Variants in EFEMP1 observed in about 807,000 individuals in gnomAD.
EFEMP1 encodes EGF-containing fibulin-like extracellular matrix protein 1.
EFEMP1 carries 18 observed loss-of-function variants against 65.7 expected under a neutral mutation model. The observed-to-expected ratio is 0.27, with a 90% CI of 0.19 to 0.41. The LOEUF (loss-of-function observed/expected upper bound fraction) is 0.41. Ranked by LOEUF, EFEMP1 falls within the 10% of genes least tolerant of loss-of-function variation. EFEMP1 has a pLI of 1.00. For missense variants in EFEMP1, 469 were observed against 624.8 expected (o/e 0.75, Z 2.66); for synonymous variants, 237 against 219.7 (o/e 1.08, Z -0.70).
chr2:55,923,299 G>A lies in EFEMP1; in HGVS notation c.-48-360C>T, dbSNP rs192835527. 3.0e-4 allele frequency among the ~76,000 whole-genome samples: 45 copies of A among 152,274 alleles called. No individual in the cohort carries two copies. Among genetic ancestry groups the A allele is most frequent in the African/African-American group, 6.7e-4 (28 of 41,562 alleles). On this transcript the variant is annotated intron_variant, in intron 1 of 11. Coordinates refer to ENST00000355426, the MANE Select transcript of EFEMP1 (RefSeq NM_001039348.3). This position sits in a 1 kb window ranked among gnomAD's most constrained non-coding sequence, Gnocchi z 5.3. ...CAGTTTCGGGCGGGCGGCCTGGCCC[G>A]GCAGGGAGATGAGGTCCCCTTTCTT...
At chr2:55,918,611 G>C (rs1476524327) in intron 3 of EFEMP1, among the ~76,000 whole-genome samples, 1 of 130,062 alleles carries the variant, frequency 7.7e-6, no homozygotes, top group Non-Finnish European at 1.6e-5. Flanking sequence ...CATTGGAAAT[G>C]TTAAAAAAAA....
intron 3 of EFEMP1, among the ~76,000 whole-genome samples, chr2:55,918,789 C>G (rs1226029313): frequency 1.3e-5 from 2 of 151,908 alleles, no homozygotes; most frequent in Non-Finnish European, 1.5e-5. Context: ...GGTGTTCCTC[C>G]TAGCAGTTCC....
In EFEMP1 at chr2:55,881,541, T is replaced by C. The variant is rs1669240093; in HGVS notation, c.640+71A>G. ...CTCCAAAGAAACATGAATGCTTTGATTGGAATGCTTGAGGTTGAAACAGTT... is the reference window on the plus strand; with the variant it reads ...CTCCAAAGAAACATGAATGCTTTGACTGGAATGCTTGAGGTTGAAACAGTT... On this transcript the variant is annotated intron_variant, in intron 6 of 11. Coordinates refer to ENST00000355426, the MANE Select transcript of EFEMP1 (RefSeq NM_001039348.3). 3 of 1,598,682 alleles carry C rather than the reference T, an allele frequency of 1.9e-6. No individual in the cohort carries two copies. The South Asian group carries it at 3.3e-5, about 18-fold the overall frequency.
rs984037164 is a variant in EFEMP1 at position 55,870,529 on chromosome 2, T to C, written c.1320+191A>G. 1.4e-4 allele frequency among the ~76,000 whole-genome samples: 21 copies of C among 152,088 alleles called. No homozygotes were observed. Among genetic ancestry groups the C allele is most frequent in the African/African-American group, 5.1e-4 (21 of 41,420 alleles). Reference sequence around the variant, plus strand: ...AAAAATGGAGATGAATATTAATATCTATCTGGCAGTGTTACCAAGAGGAAT... The same window carrying C: ...AAAAATGGAGATGAATATTAATATCCATCTGGCAGTGTTACCAAGAGGAAT... On this transcript the variant is annotated intron_variant, in intron 11 of 11. Coordinates refer to ENST00000355426, the MANE Select transcript of EFEMP1 (RefSeq NM_001039348.3). This position sits in a 1 kb window ranked among gnomAD's most constrained non-coding sequence, Gnocchi z 5.8.
chr2:55,906,825 T>C (rs1572837726), intron 5 of EFEMP1, among the ~76,000 whole-genome samples: 1 of 152,198 alleles, frequency 6.6e-6, no homozygotes, highest in East Asian at 1.9e-4. Flanking sequence ...CGATAGTTCA[T>C]CAAAAATGTC....
chr2:55,902,927 G>T (rs1384283668), intron 5 of EFEMP1, among the ~76,000 whole-genome samples: 1 of 152,196 alleles, frequency 6.6e-6, no homozygotes, highest in Non-Finnish European at 1.5e-5. Flanking sequence ...AAGGCTTACA[G>T]CCTAGACAAA....
At chr2:55,891,800 T>G (rs1323744285) in intron 5 of EFEMP1, among the ~76,000 whole-genome samples, 1 of 152,106 alleles carries the variant, frequency 6.6e-6, no homozygotes, top group African/African-American at 2.4e-5. Context: ...AGGCATAAGA[T>G]TATTCCGTGA....
chr2:55,919,342 T>TA lies in EFEMP1; in HGVS notation c.82-1076dup. On this transcript the variant is annotated intron_variant, in intron 3 of 11. Coordinates refer to ENST00000355426, the MANE Select transcript of EFEMP1 (RefSeq NM_001039348.3). This position sits in a 1 kb window ranked among gnomAD's most constrained non-coding sequence, Gnocchi z 4.5. ...TCTAAGGATCATTCAGGGTTCTTGTTAAAATGAAGATTCCTGGGCCCACCC... is the reference window on the plus strand; with the variant it reads ...TCTAAGGATCATTCAGGGTTCTTGTTAAAAATGAAGATTCCTGGGCCCACCC... Among the ~76,000 whole-genome samples, 1 of 152,276 alleles carries TA rather than the reference T, an allele frequency of 6.6e-6. No individual in the cohort carries two copies. The highest frequency in any genetic ancestry group is 1.5e-5 in the Non-Finnish European group (1 of 68,024).
At chr2:55,880,637 G>C (rs145202645) in intron 6 of EFEMP1, among the ~76,000 whole-genome samples, 172 of 152,292 alleles carry the variant, frequency 1.1e-3, no homozygotes, top group African/African-American at 3.9e-3. Context: ...CTGGTTGTCT[G>C]TCCCCACATC....
Position 55,870,585 on chromosome 2 carries a change from A to T in EFEMP1, c.1320+135T>A, listed in dbSNP as rs893380597. 8 of 1,028,554 alleles carry T rather than the reference A, an allele frequency of 7.8e-6. No individual in the cohort carries two copies. The highest frequency in any genetic ancestry group is 1.2e-5 in the Non-Finnish European group (8 of 675,396). The allele number at this position is 1,028,554 out of a possible 1,614,324, so 63.7% of individuals were successfully genotyped here. A position where few individuals can be genotyped will look rare whatever the true frequency, so the allele number is the denominator to read the frequency against. On this transcript the variant is annotated intron_variant, in intron 11 of 11. Coordinates refer to ENST00000355426, the MANE Select transcript of EFEMP1 (RefSeq NM_001039348.3). This position sits in a 1 kb window ranked among gnomAD's most constrained non-coding sequence, Gnocchi z 5.8. ...AAATAATGTAGCTGGAAGGCCTTAC[A>T]CAATGCCTACACATAAGACACTTTA... is the stretch of plus-strand genomic sequence containing the variant.
intron 5 of EFEMP1, among the ~76,000 whole-genome samples, chr2:55,888,095 C>A (rs1669490787): frequency 6.6e-6 from 1 of 152,132 alleles, no homozygotes; most frequent in South Asian, 2.1e-4. Context: ...ATCTGTACTA[C>A]ACATAAACCA....
chr2:55,911,825 C>G (rs867072635), intron 5 of EFEMP1, among the ~76,000 whole-genome samples: 2 of 152,292 alleles, frequency 1.3e-5, no homozygotes, highest in Middle Eastern at 3.4e-3. Flanking sequence ...TTTAAGAACA[C>G]TTTCTGACTG....
Position 55,871,146 on chromosome 2 carries a change from A to G in EFEMP1, c.1001-23T>C, listed in dbSNP as rs776624123. 1 of 1,613,166 alleles carries G rather than the reference A, an allele frequency of 6.2e-7. No individual in the cohort carries two copies. The highest frequency in any genetic ancestry group is 8.5e-7 in the Non-Finnish European group (1 of 1,179,450). On this transcript the variant is annotated intron_variant, in intron 9 of 11. Transcript: ENST00000355426. The surrounding 1 kb of genome is among the most constrained non-coding windows in gnomAD (Gnocchi z 4.2). ...TATCTGTAGAGATGTAGGGTCAAAG[A>G]GTTTACTAACTAAACTAATGAACTG...
chr2:55,910,820 T>C (rs892560980), intron 5 of EFEMP1, among the ~76,000 whole-genome samples: 9 of 152,204 alleles, frequency 5.9e-5, no homozygotes. Context: ...TGGAAAGAGA[T>C]GGTTAGCTGT....
chr2:55,916,872 T>C lies in EFEMP1; in HGVS notation c.517+793A>G, dbSNP rs141582892. ...ATGTCTTCAAAGCCCCAGATTCTTA[T>C]CACTTTGCTAATACGAGCCTACAGC... On this transcript the variant is annotated intron_variant, in intron 5 of 11. Transcript: ENST00000355426. 4.3e-3 allele frequency among the ~76,000 whole-genome samples: 651 copies of C among 152,332 alleles called. 1 individual carries two copies. The highest frequency in any genetic ancestry group is 0.014 in the African/African-American group (597 of 41,580).
At chr2:55,908,680 T>G (rs943310021) in intron 5 of EFEMP1, among the ~76,000 whole-genome samples, 1 of 152,110 alleles carries the variant, frequency 6.6e-6, no homozygotes, top group African/African-American at 2.4e-5. Context: ...AAACATCACA[T>G]TGCACCCCAT....
intron 5 of EFEMP1, among the ~76,000 whole-genome samples, chr2:55,900,197 T>C (rs918485430): frequency 1.3e-5 from 2 of 152,194 alleles, no homozygotes; most frequent in Non-Finnish European, 2.9e-5. Context: ...GGGCTACTTA[T>C]GTCAAGAGAA....
intron 8 of EFEMP1, 34 bp downstream of exon 8, chr2:55,876,589 G>C (rs1224619331): frequency 6.2e-7 from 1 of 1,608,302 alleles, no homozygotes; most frequent in Non-Finnish European, 8.5e-7. Context: ...ACAGGAATTG[G>C]ACTTTATTCC....
chr2:55,895,692 C>T (rs942932009), intron 5 of EFEMP1, among the ~76,000 whole-genome samples: 4 of 151,918 alleles, frequency 2.6e-5, no homozygotes, highest in African/African-American at 9.7e-5. Context: ...CAGGCGCCCG[C>T]CACCTCGCCC....
Sources: gnomAD v4.1 joint callset for allele counts (sites outside exome capture counted in the v4.1 genomes callset) on GRCh38, gnomAD v4.1.1 for gene constraint, Gnocchi (gnomAD v3.1) non-coding constraint, MANE v1.5 for transcripts, NCBI Gene and HGNC (gene_info 2026-07-23, HGNC 2026-07-21) for gene names.